MAGI3: variants seen among roughly 807,000 people sequenced by gnomAD.
The protein encoded by MAGI3 is membrane associated guanylate kinase, WW and PDZ domain containing 3.
MAGI3 carries 43 observed loss-of-function variants against 121.8 expected under a neutral mutation model. That is an observed-to-expected ratio of 0.35 (90% CI 0.28 to 0.46). The LOEUF (loss-of-function observed/expected upper bound fraction) is 0.46. MAGI3 is among the 20% of genes least tolerant of loss of function. The pLI is 1.00. For synonymous variants in MAGI3, 553 were observed against 639.3 expected (o/e 0.86, Z 2.04); for missense variants, 1,547 against 1,797.3 (o/e 0.86, Z 2.52).
At chr1:113,664,411 A>G (rs963903265) in intron 16 of MAGI3, among the ~76,000 whole-genome samples, 1 of 152,230 alleles carries the variant, frequency 6.6e-6, no homozygotes, top group Non-Finnish European at 1.5e-5. Flanking sequence ...ATTCTATAAT[A>G]CACATCTTCA....
At chr1:113,434,112 A>G (rs559252736) in intron 1 of MAGI3, among the ~76,000 whole-genome samples, 4 of 152,266 alleles carry the variant, frequency 2.6e-5, no homozygotes, top group African/African-American at 7.2e-5. Context: ...TAGCTGTACT[A>G]TGCTACCCAG....
At chr1:113,445,349 C>A (rs1177606429) in intron 1 of MAGI3, among the ~76,000 whole-genome samples, 1 of 152,128 alleles carries the variant, frequency 6.6e-6, no homozygotes, top group Non-Finnish European at 1.5e-5. Context: ...TGCCTACAGT[C>A]CCAGCTACTC....
chr1:113,646,657 A>G lies in MAGI3; in HGVS notation c.2155+15A>G, dbSNP rs536617906. ...TGAAGATAAACGTAAGTAGTTGTGGAATATTTCAGGAGAGCATATAACAAG... is the reference window on the plus strand; with the variant it reads ...TGAAGATAAACGTAAGTAGTTGTGGGATATTTCAGGAGAGCATATAACAAG... On this transcript the variant is annotated intron_variant, in intron 12 of 20. Transcript: ENST00000307546. 5.7e-6 allele frequency: 9 copies of G among 1,574,028 alleles called. No homozygotes were observed. The African/African-American group carries it at 1.1e-4, about 19-fold the overall frequency.
At chr1:113,668,923 A>C (rs1485147349) in intron 16 of MAGI3, among the ~76,000 whole-genome samples, 1 of 152,198 alleles carries the variant, frequency 6.6e-6, no homozygotes, top group Non-Finnish European at 1.5e-5. Flanking sequence ...TTTGTGGTAC[A>C]TTTTGCCTGG....
At chr1:113,443,508 A>C (rs1162606896) in intron 1 of MAGI3, among the ~76,000 whole-genome samples, 3 of 152,174 alleles carry the variant, frequency 2.0e-5, no homozygotes, top group African/African-American at 7.2e-5. Context: ...AAGTTTATAA[A>C]GCTTATTTTA....
chr1:113,450,497 G>T, intron 1 of MAGI3: 2 of 1,038,676 alleles, frequency 1.9e-6, no homozygotes, highest in Non-Finnish European at 3.0e-6. Flanking sequence ...CCAAGGTGGT[G>T]GATATGGTGG....
chr1:113,602,278 A>C (rs1649449990), intron 6 of MAGI3, among the ~76,000 whole-genome samples: 1 of 152,178 alleles, frequency 6.6e-6, no homozygotes, highest in African/African-American at 2.4e-5. Context: ...CTCAGACCAC[A>C]GTGGAATAAA....
chr1:113,474,574 G>A (rs1348772544), intron 1 of MAGI3, among the ~76,000 whole-genome samples: 2 of 152,070 alleles, frequency 1.3e-5, no homozygotes, highest in African/African-American at 4.8e-5. Flanking sequence ...CGATGGTTGC[G>A]GATGTGTGGT....
At chr1:113,601,719 T>C (rs1179624246) in intron 6 of MAGI3, among the ~76,000 whole-genome samples, 1 of 143,996 alleles carries the variant, frequency 6.9e-6, no homozygotes, top group Non-Finnish European at 1.5e-5. Context: ...ATCCCATTAC[T>C]GGGTATATAC....
chr1:113,540,438 C>T (rs752743943), intron 1 of MAGI3, among the ~76,000 whole-genome samples: 10 of 152,112 alleles, frequency 6.6e-5, no homozygotes, highest in Admixed American at 1.3e-4. Flanking sequence ...AGAGTTCTGC[C>T]CACGTCTTGT....
intron 2 of MAGI3, among the ~76,000 whole-genome samples, chr1:113,557,914 A>C (rs1660066775): frequency 6.6e-6 from 1 of 152,128 alleles, no homozygotes; most frequent in African/African-American, 2.4e-5. Context: ...CAGGTACAGG[A>C]AGAACCAAGG....
intron 9 of MAGI3, among the ~76,000 whole-genome samples, chr1:113,634,603 T>C (rs1255934697): frequency 6.6e-6 from 1 of 152,202 alleles, no homozygotes; most frequent in Non-Finnish European, 1.5e-5. Flanking sequence ...TATCTCTGTT[T>C]TGGTACCAGT....
At chr1:113,641,839 T>A (rs1053322026) in intron 9 of MAGI3, 72 bp from the exon 10 acceptor site, 1 of 1,416,390 alleles carries the variant, frequency 7.1e-7, no homozygotes, top group Admixed American at 2.3e-5. Flanking sequence ...TTGTAGTTAT[T>A]TTTGCCCCTC....
At chr1:113,437,880 C>CTTCTTCTTCTTCTTCCTCTT (rs1557757197) in intron 1 of MAGI3, among the ~76,000 whole-genome samples, 48 of 17,002 alleles carry the variant, frequency 2.8e-3, no homozygotes, top group East Asian at 7.2e-3. Flanking sequence ...TTCTTCTTCT[C>CTTCTTCTTCTTCTTCCTCTT]CTTCTCCTTC....
intron 4 of MAGI3, among the ~76,000 whole-genome samples, chr1:113,586,960 GGT>G (rs1269620685): frequency 1.3e-5 from 2 of 152,046 alleles, no homozygotes; most frequent in East Asian, 3.8e-4. Context: ...TATATCCAAG[GGT>G]GTGTGGGAGG....
chr1:113,545,992 T>C (rs1048371231), intron 1 of MAGI3, among the ~76,000 whole-genome samples: 3 of 152,158 alleles, frequency 2.0e-5, no homozygotes, highest in Non-Finnish European at 2.9e-5. Flanking sequence ...CAGCAGTGTC[T>C]TTCTGAGTTA....
chr1:113,425,456 T>C (rs1652959653), intron 1 of MAGI3, among the ~76,000 whole-genome samples: 1 of 151,580 alleles, frequency 6.6e-6, no homozygotes, highest in Non-Finnish European at 1.5e-5. Context: ...CTAATTTTTT[T>C]GTATTTTTCA....
In MAGI3 at chr1:113,632,397, A is replaced by T. The variant is rs891710071; in HGVS notation, c.1360+9403A>T. Among the ~76,000 whole-genome samples the T allele has an allele frequency of 3.9e-5, 6 of 152,308 alleles. No individual in the cohort carries two copies. In the East Asian group the frequency reaches 7.7e-4, roughly 20 times the overall value. ...ATGGCAATACAATATTTCCGTGAAA[A>T]TTCTGGGAGCTTTAATACCAGATTG... is the stretch of plus-strand genomic sequence containing the variant. On this transcript the variant is annotated intron_variant, in intron 9 of 20. Transcript: ENST00000307546.
chr1:113,666,896 T>C (rs1245267278), intron 16 of MAGI3, among the ~76,000 whole-genome samples: 1 of 152,248 alleles, frequency 6.6e-6, no homozygotes, highest in Non-Finnish European at 1.5e-5. Flanking sequence ...TCCTTGTATT[T>C]CTCCATCAGA....
Sources: gnomAD v4.1 joint callset for allele counts (sites outside exome capture counted in the v4.1 genomes callset) on GRCh38, gnomAD v4.1.1 for gene constraint, MANE v1.5 for transcripts, NCBI Gene and HGNC (gene_info 2026-07-23, HGNC 2026-07-21) for gene names.